The following TGM6 variants were observed in gnomAD, a reference collection of about 807,000 sequenced individuals.
TGM6 encodes the protein protein-glutamine gamma-glutamyltransferase 6.
TGM6 carries 74 observed loss-of-function variants against 77.5 expected under a neutral mutation model. That is an observed-to-expected ratio of 0.96 (90% CI 0.79 to 1.16). The LOEUF (loss-of-function observed/expected upper bound fraction) is 1.16, where lower values mean the gene tolerates loss of function less well. Ranked by LOEUF, TGM6 falls within the 50% of genes most tolerant of loss-of-function variation. TGM6 has a pLI of 0.00. For synonymous variants in TGM6, 383 were observed against 378.9 expected, an observed-to-expected ratio of 1.01 and a Z score of -0.12; for missense variants, 968 against 940.2, an observed-to-expected ratio of 1.03 and a Z score of -0.39.
At chr20:2,392,727 C>A (rs2084637061) in intron 1 of TGM6, among the ~76,000 whole-genome samples, 1 of 152,146 alleles carries the variant, frequency 6.6e-6, no homozygotes, top group African/African-American at 2.4e-5. Context: ...CATGGCGAAA[C>A]CTGGTCTCTA....
chr20:2,430,435 T>C lies in TGM6; in HGVS notation c.1679-11T>C. 1.2e-6 allele frequency: 2 copies of C among 1,614,178 alleles called. No individual in the cohort carries two copies. Among genetic ancestry groups the C allele is most frequent in the Non-Finnish European group, 8.5e-7 (1 of 1,180,014 alleles). On this transcript the variant is annotated splice_polypyrimidine_tract_variant and intron_variant, in intron 10 of 12. Coordinates refer to ENST00000202625, the MANE Select transcript of TGM6 (RefSeq NM_198994.3). ...TCAAGCCCCAACTCCCACTTCTGCT[T>C]TCCCTTCCAGAGAAGAGAATCCCAA...
chr20:2,391,181 A>G (rs1305577611), intron 1 of TGM6, among the ~76,000 whole-genome samples: 2 of 151,642 alleles, frequency 1.3e-5, no homozygotes, highest in Non-Finnish European at 1.5e-5. Context: ...CCCAGTGAGC[A>G]TGACAGCATC....
At chr20:2,397,834 T>TGA (rs1234041149) in intron 4 of TGM6, 84 bp from the exon 5 acceptor site, 1 of 1,611,068 alleles carries the variant, frequency 6.2e-7, no homozygotes, top group Non-Finnish European at 8.5e-7. Context: ...ACAGATGGGG[T>TGA]GACTGACCGG....
At chr20:2,407,739 C>T (rs1188328762) in intron 9 of TGM6, among the ~76,000 whole-genome samples, 1 of 152,256 alleles carries the variant, frequency 6.6e-6, no homozygotes, top group African/African-American at 2.4e-5. Flanking sequence ...CTTAGGGCCT[C>T]TGCCCTCCCT....
At chr20:2,396,213 A>G (rs542423355) in intron 3 of TGM6, among the ~76,000 whole-genome samples, 2 of 152,230 alleles carry the variant, frequency 1.3e-5, no homozygotes, top group South Asian at 2.1e-4. Flanking sequence ...AAATAAGAAA[A>G]AAAGAAGGAA....
In TGM6 at chr20:2,398,105, G is replaced by A. The variant is rs530558253; in HGVS notation, c.672+59G>A. On this transcript the variant is annotated intron_variant, in intron 5 of 12. Coordinates refer to ENST00000202625, the MANE Select transcript of TGM6 (RefSeq NM_198994.3). ...CCTCAAGGATCCCCCAGCCAACCCCGGGGCCACAACCTGTGATTCTTCCCA... is the reference window on the plus strand; with the variant it reads ...CCTCAAGGATCCCCCAGCCAACCCCAGGGCCACAACCTGTGATTCTTCCCA... The A allele has an allele frequency of 1.1e-4, 170 of 1,613,404 alleles. No homozygotes were observed. In the East Asian group the frequency reaches 2.4e-3, roughly 23 times the overall value.
chr20:2,431,095 T>C, intron 12 of TGM6, 68 bp downstream of exon 12: 2 of 1,592,866 alleles, frequency 1.3e-6, no homozygotes, highest in Non-Finnish European at 1.7e-6. Context: ...CAGAGAGAAG[T>C]TGCCAGGGAT....
At position 2,396,730 on chromosome 20, in the gene TGM6, G is replaced by C; in HGVS notation, c.543+106G>C. 3.8e-6 allele frequency: 4 copies of C among 1,040,174 alleles called. No homozygotes were observed. The South Asian group carries it at 4.1e-5, about 11-fold the overall frequency. The allele number at this position is 1,040,174 out of a possible 1,614,324, so 64.4% of individuals were successfully genotyped here. On this transcript the variant is annotated intron_variant, in intron 4 of 12. Coordinates refer to ENST00000202625, the MANE Select transcript of TGM6 (RefSeq NM_198994.3). ...ACTCTTCTCAGGAGGGACAAGGGGGGCTCACTCCTAGAGAAAACCCACTCA... is the reference window on the plus strand; with the variant it reads ...ACTCTTCTCAGGAGGGACAAGGGGGCCTCACTCCTAGAGAAAACCCACTCA...
intron 1 of TGM6, among the ~76,000 whole-genome samples, chr20:2,393,304 T>A (rs2084640597): frequency 6.6e-6 from 1 of 152,224 alleles, no homozygotes; most frequent in Non-Finnish European, 1.5e-5. Flanking sequence ...CCTTTCTCTG[T>A]TCATTTAAAA....
chr20:2,393,063 C>A (rs2122341783), intron 1 of TGM6, among the ~76,000 whole-genome samples: 1 of 152,332 alleles, frequency 6.6e-6, no homozygotes, highest in South Asian at 2.1e-4. Flanking sequence ...CAGACACCAG[C>A]CTGGCATAGA....
intron 1 of TGM6, among the ~76,000 whole-genome samples, chr20:2,386,830 T>G (rs1285329397): frequency 6.6e-6 from 1 of 152,010 alleles, no homozygotes; most frequent in African/African-American, 2.4e-5. Context: ...CAGTGCAGGA[T>G]CCATGGAGCT....
chr20:2,417,426 C>G lies in TGM6; in HGVS notation c.1531C>G (p.Leu511Val). Residue 511 changes from leucine (L) to valine (V), a missense_variant, in exon 10 of 13, where the codon CTG becomes GTG. By Grantham distance (32) the Leu-to-Val change is conservative. Coordinates refer to ENST00000202625, the MANE Select transcript of TGM6 (RefSeq NM_198994.3). ...AGAGCCTCCCATGCTGGGCCACGACCTGAGACTGGCCCTGTGCTTGGCCAA... is the reference window on the plus strand; with the variant it reads ...AGAGCCTCCCATGCTGGGCCACGACGTGAGACTGGCCCTGTGCTTGGCCAA... ...VLEPPMLGHDLRLALCLANLT... is the reference protein window; with the variant it reads ...VLEPPMLGHDVRLALCLANLT... 1.2e-6 allele frequency: 2 copies of G among 1,612,942 alleles called. No individual in the cohort carries two copies. The highest frequency in any genetic ancestry group is 1.7e-6 in the Non-Finnish European group (2 of 1,180,022).
chr20:2,418,382 G>A (rs1430479366), intron 10 of TGM6, among the ~76,000 whole-genome samples: 1 of 152,212 alleles, frequency 6.6e-6, no homozygotes, highest in East Asian at 1.9e-4. Context: ...CAGCCACCTT[G>A]TGTGTGGTAC....
chr20:2,383,770 C>G (rs903436074), intron 1 of TGM6, among the ~76,000 whole-genome samples: 4 of 151,786 alleles, frequency 2.6e-5, no homozygotes, highest in African/African-American at 9.7e-5. Context: ...AGGGGAGGAC[C>G]AAAGTGATGG....
intron 1 of TGM6, among the ~76,000 whole-genome samples, chr20:2,382,102 T>C (rs1267565471): frequency 1.3e-5 from 2 of 152,232 alleles, no homozygotes; most frequent in African/African-American, 4.8e-5. Flanking sequence ...GTTTTAATTG[T>C]TCAGCATTAT....
intron 1 of TGM6, among the ~76,000 whole-genome samples, chr20:2,391,331 C>G (rs1044266242): frequency 1.3e-5 from 2 of 152,106 alleles, no homozygotes. Context: ...GAGATGAACT[C>G]TGGTGGCAGG....
intron 10 of TGM6, among the ~76,000 whole-genome samples, chr20:2,427,987 C>T (rs1212838729): frequency 1.3e-5 from 2 of 152,122 alleles, no homozygotes; most frequent in African/African-American, 4.8e-5. Flanking sequence ...TCTTCTTTGT[C>T]CCATGTGTTC....
chr20:2,421,244 C>G (rs1457566180), intron 10 of TGM6, among the ~76,000 whole-genome samples: 1 of 152,232 alleles, frequency 6.6e-6, no homozygotes, highest in Non-Finnish European at 1.5e-5. Context: ...CTCGGCCTCC[C>G]AAAGTGCTGG....
chr20:2,430,626 C>T (rs760467188), intron 11 of TGM6, 26 bp downstream of exon 11: 2 of 1,613,588 alleles, frequency 1.2e-6, no homozygotes, highest in South Asian at 2.2e-5. Context: ...ATCTACCATG[C>T]TGTTCCTAGT....
Sources: allele counts gnomAD v4.1 joint callset (sites outside exome capture counted in the v4.1 genomes callset), GRCh38; gene constraint gnomAD v4.1.1; transcripts MANE v1.5; gene names NCBI Gene and HGNC (gene_info 2026-07-23, HGNC 2026-07-21).